SQOR: variants seen among roughly 807,000 people sequenced by gnomAD.
The protein encoded by SQOR is sulfide quinone oxidoreductase.
Under a neutral mutation model 48.6 loss-of-function variants are expected in SQOR, and 39 were observed. The observed-to-expected ratio is 0.80, with a 90% CI of 0.62 to 1.05. The LOEUF (loss-of-function observed/expected upper bound fraction) is 1.05, where lower values mean the gene tolerates loss of function less well. Among genes scored for constraint, SQOR ranks in the 50% least tolerant of loss-of-function variants. The probability of loss-of-function intolerance (pLI) is 0.00; values close to 1 mark genes in which losing one functional copy is unlikely to be tolerated. For missense variants in SQOR, 561 were observed against 559.9 expected (o/e 1.00, Z -0.02); for synonymous variants, 220 against 206.2 (o/e 1.07, Z -0.57).
At chr15:45,681,729 G>A (rs1478035499) in intron 6 of SQOR, among the ~76,000 whole-genome samples, 1 of 152,002 alleles carries the variant, frequency 6.6e-6, no homozygotes, top group Non-Finnish European at 1.5e-5. Flanking sequence ...ACTACAAAAC[G>A]TGAAAGAATA....
intron 7 of SQOR, among the ~76,000 whole-genome samples, chr15:45,683,129 G>A (rs1890154379): frequency 6.6e-6 from 1 of 152,074 alleles, no homozygotes; most frequent in Non-Finnish European, 1.5e-5. Flanking sequence ...CCCCAGAGTA[G>A]CATGATCTTA....
intron 1 of SQOR, chr15:45,645,863 C>A (rs1442276098): frequency 6.6e-6 from 1 of 152,068 alleles, no homozygotes; most frequent in Non-Finnish European, 1.5e-5. Context: ...TTGTTTTGAC[C>A]CTTTATTGGC....
At chr15:45,638,814 A>C (rs1895057006) in intron 1 of SQOR, among the ~76,000 whole-genome samples, 1 of 152,178 alleles carries the variant, frequency 6.6e-6, no homozygotes. Context: ...GTATCCTTAT[A>C]AGAAGATGAC....
chr15:45,666,103 C>T (rs1252859912), intron 3 of SQOR, among the ~76,000 whole-genome samples: 1 of 152,148 alleles, frequency 6.6e-6, no homozygotes, highest in African/African-American at 2.4e-5. Context: ...ATACTGGCCT[C>T]CTATTTCCTC....
At chr15:45,649,654 T>TG (rs1889426314) in intron 1 of SQOR, among the ~76,000 whole-genome samples, 1 of 151,944 alleles carries the variant, frequency 6.6e-6, no homozygotes, top group African/African-American at 2.4e-5. Flanking sequence ...TAATTTTTTT[T>TG]GTATTTTTGG....
chr15:45,641,555 G>A (rs1326324427), intron 1 of SQOR, among the ~76,000 whole-genome samples: 1 of 152,204 alleles, frequency 6.6e-6, no homozygotes, highest in Non-Finnish European at 1.5e-5. Flanking sequence ...TTTCAACATG[G>A]CCCTGCAGGG....
intron 4 of SQOR, 64 bp downstream of exon 4, chr15:45,670,045 T>C: frequency 1.4e-6 from 2 of 1,451,466 alleles, no homozygotes; most frequent in Non-Finnish European, 1.9e-6. Flanking sequence ...ATGCTGCATT[T>C]AGTTGCTTTA....
Position 45,691,008 on chromosome 15 carries a change from T to C in SQOR, c.1331T>C (p.Leu444Ser). 6.2e-7 allele frequency: 1 copy of C among 1,614,212 alleles called. No individual in the cohort carries two copies. The highest frequency in any genetic ancestry group is 8.5e-7 in the Non-Finnish European group (1 of 1,180,044). ...YWGGPAFLRK[L>S]FHLGMS ...GGAGGACCAGCGTTTCTGCGCAAGT[T>C]GTTTCATCTAGGTATGAGTTAAGGA... Residue 444 changes from leucine (L) to serine (S), a missense_variant, in exon 10 of 10, where the codon TTG becomes TCG. By Grantham distance (145) the Leu-to-Ser change is moderately radical. Coordinates refer to ENST00000260324, the MANE Select transcript of SQOR (RefSeq NM_021199.4).
At chr15:45,680,276 T>C (rs924230270) in intron 6 of SQOR, among the ~76,000 whole-genome samples, 1 of 152,138 alleles carries the variant, frequency 6.6e-6, no homozygotes, top group African/African-American at 2.4e-5. Context: ...TGTATTTTTT[T>C]AAAGACTGGG....
At chr15:45,677,262 T>C (rs1890054602) in intron 6 of SQOR, among the ~76,000 whole-genome samples, 1 of 152,112 alleles carries the variant, frequency 6.6e-6, no homozygotes, top group Admixed American at 6.6e-5. Context: ...TATCCATCCA[T>C]ATCTAGTTTT....
At chr15:45,679,561 C>T (rs1011986786) in intron 6 of SQOR, among the ~76,000 whole-genome samples, 1 of 152,050 alleles carries the variant, frequency 6.6e-6, no homozygotes, top group Non-Finnish European at 1.5e-5. Context: ...ATTAGCCGGG[C>T]ATGGTGGCAG....
intron 3 of SQOR, among the ~76,000 whole-genome samples, chr15:45,663,793 A>C: frequency 6.6e-6 from 1 of 152,050 alleles, no homozygotes. Flanking sequence ...ACACAAAAAG[A>C]AAAAAAGAGT....
chr15:45,644,959 C>T (rs1895178744), intron 1 of SQOR, among the ~76,000 whole-genome samples: 2 of 152,136 alleles, frequency 1.3e-5, no homozygotes, highest in African/African-American at 4.8e-5. Flanking sequence ...AGCCATTTAC[C>T]ATCTCTCAGA....
At chr15:45,672,209 G>A (rs1363251449) in intron 4 of SQOR, among the ~76,000 whole-genome samples, 6 of 152,118 alleles carry the variant, frequency 3.9e-5, no homozygotes, top group African/African-American at 1.4e-4. Flanking sequence ...CCCCCAGGCA[G>A]GTGGGCAGAG....
Position 45,691,019 on chromosome 15 carries a change from G to C in SQOR, c.1342G>C (p.Gly448Arg). 6.2e-7 allele frequency: 1 copy of C among 1,614,134 alleles called. No individual in the cohort carries two copies. The highest frequency in any genetic ancestry group is 8.5e-7 in the Non-Finnish European group (1 of 1,180,010). Residue 448 changes from glycine to arginine, a missense_variant, in exon 10 of 10, where the codon GGT (glycine) becomes CGT (arginine). Coordinates refer to ENST00000260324, the MANE Select transcript of SQOR (RefSeq NM_021199.4). ...PAFLRKLFHLGMS is the reference protein window; with the variant it reads ...PAFLRKLFHLRMS ...GTTTCTGCGCAAGTTGTTTCATCTA[G>C]GTATGAGTTAAGGATGGCTCAGCAC... is the stretch of plus-strand genomic sequence containing the variant.
intron 6 of SQOR, among the ~76,000 whole-genome samples, chr15:45,678,563 AG>A (rs1452965474): frequency 1.4e-4 from 21 of 150,292 alleles, no homozygotes; most frequent in African/African-American, 5.1e-4. Flanking sequence ...CATGTGTTTG[AG>A]CACTTCCTTT....
chr15:45,642,642 G>A (rs607594), intron 1 of SQOR, among the ~76,000 whole-genome samples: 39,885 of 151,778 alleles, frequency 0.26, 6,629 homozygotes, highest in East Asian at 0.64. Context: ...TATATCCACC[G>A]TTAGGAGATT....
chr15:45,673,859 T>C, intron 5 of SQOR, 58 bp downstream of exon 5: 3 of 1,534,860 alleles, frequency 2.0e-6, no homozygotes, highest in Non-Finnish European at 2.7e-6. Flanking sequence ...ATTCACTGAT[T>C]GCAAGAATTC....
intron 8 of SQOR, among the ~76,000 whole-genome samples, chr15:45,688,738 C>G (rs1890267554): frequency 6.6e-6 from 1 of 152,230 alleles, no homozygotes; most frequent in South Asian, 2.1e-4. Flanking sequence ...ATCTCAAACT[C>G]CTGACCTCAG....
Sources: gnomAD v4.1 joint callset for allele counts (sites outside exome capture counted in the v4.1 genomes callset) on GRCh38, gnomAD v4.1.1 for gene constraint, MANE v1.5 for transcripts, NCBI Gene and HGNC (gene_info 2026-07-23, HGNC 2026-07-21) for gene names.